KIF4A: variants seen among roughly 807,000 people sequenced by gnomAD.
KIF4A encodes kinesin family member 4A.
KIF4A carries 7 observed loss-of-function variants against 105.9 expected under a neutral mutation model. That is an observed-to-expected ratio of 0.07 (90% CI 0.04 to 0.12). KIF4A has a LOEUF of 0.12. Among genes scored for constraint, KIF4A ranks in the 10% least tolerant of loss-of-function variants. The pLI is 1.00. For missense variants in KIF4A, 558 were observed against 929.2 expected, an observed-to-expected ratio of 0.60 and a Z score of 5.19; for synonymous variants, 281 against 331.3, an observed-to-expected ratio of 0.85 and a Z score of 1.65.
At chrX:70,367,569 A>G (rs900367272) in intron 15 of KIF4A, among the ~76,000 whole-genome samples, 1 of 111,903 alleles carries the variant, frequency 8.9e-6, no homozygotes, top group Non-Finnish European at 1.9e-5. Flanking sequence ...AAGAATGTTG[A>G]ATATTGGCCC....
At chrX:70,384,599 C>T (rs1381973091) in intron 18 of KIF4A, among the ~76,000 whole-genome samples, 1 of 109,882 alleles carries the variant, frequency 9.1e-6, no homozygotes, top group Non-Finnish European at 1.9e-5. Flanking sequence ...TGGCACATGC[C>T]TGTAATCCCA....
chrX:70,310,950 A>T (rs760689900), intron 7 of KIF4A, among the ~76,000 whole-genome samples: 2 of 109,783 alleles, frequency 1.8e-5, no homozygotes, highest in East Asian at 5.7e-4. Context: ...ATATAGTAAG[A>T]TCACTGTCTC....
chrX:70,331,222 T>C (rs1403302023), intron 9 of KIF4A, among the ~76,000 whole-genome samples: 2 of 111,701 alleles, frequency 1.8e-5, no homozygotes, highest in African/African-American at 6.5e-5. Flanking sequence ...CTTAGAACAG[T>C]ACTTGGCTTA....
At chrX:70,316,382 T>A (rs765917728) in intron 7 of KIF4A, among the ~76,000 whole-genome samples, 1 of 111,498 alleles carries the variant, frequency 9.0e-6, no homozygotes, top group Admixed American at 9.6e-5. Flanking sequence ...GTACATTTTC[T>A]GTTAAGTTTA....
chrX:70,378,455 G>A lies in KIF4A; in HGVS notation c.2034+2245G>A, dbSNP rs139905597. ...AGATTAGAGTAGAAATAGGCTGGGCGCGGTGGCTCAAGCCTGAAATCCCAG... is the reference window on the plus strand; with the variant it reads ...AGATTAGAGTAGAAATAGGCTGGGCACGGTGGCTCAAGCCTGAAATCCCAG... On this transcript the variant is annotated intron_variant, in intron 18 of 30. Transcript: ENST00000374403. Among the ~76,000 whole-genome samples, 1,013 of 111,973 alleles carry A rather than the reference G, an allele frequency of 9.0e-3. 10 individuals are homozygous for A. The highest frequency in any genetic ancestry group is 0.024 in the African/African-American group (732 of 30,854).
At chrX:70,409,794 C>CAA (rs780576920) in intron 28 of KIF4A, among the ~76,000 whole-genome samples, 253 of 42,179 alleles carry the variant, frequency 6.0e-3, no homozygotes, top group African/African-American at 0.021. Flanking sequence ...AAGACTGTCT[C>CAA]AAAAAAAAAA....
intron 15 of KIF4A, among the ~76,000 whole-genome samples, chrX:70,373,576 ACG>A (rs1326523761): frequency 3.3e-4 from 11 of 33,321 alleles, no homozygotes; most frequent in Non-Finnish European, 5.7e-4. Flanking sequence ...ATACATATAT[ACG>A]TGTATATATA....
At chrX:70,299,239 T>C in intron 5 of KIF4A, 37 bp downstream of exon 5, 12 of 1,117,903 alleles carry the variant, frequency 1.1e-5, no homozygotes, top group Non-Finnish European at 1.5e-5. Context: ...TTAAAAAAAT[T>C]TGGCAATTAT....
At chrX:70,328,004 C>CA (rs1285072198) in intron 7 of KIF4A, among the ~76,000 whole-genome samples, 2 of 110,220 alleles carry the variant, frequency 1.8e-5, no homozygotes, top group Admixed American at 9.6e-5. Context: ...ATTGGTAGTC[C>CA]AAAAAAAGGG....
intron 20 of KIF4A, among the ~76,000 whole-genome samples, chrX:70,390,199 A>T (rs190627672): frequency 8.9e-6 from 1 of 111,772 alleles, no homozygotes; most frequent in Non-Finnish European, 1.9e-5. Flanking sequence ...AGAGTTCTTA[A>T]GATTTTCTAC....
intron 5 of KIF4A, among the ~76,000 whole-genome samples, chrX:70,299,753 T>C (rs1265361834): frequency 1.8e-5 from 2 of 111,773 alleles, no homozygotes; most frequent in Non-Finnish European, 3.8e-5. Flanking sequence ...AGCACTGTAA[T>C]AGACATTTTG....
At position 70,395,834 on chromosome X, in the gene KIF4A, C is replaced by A. The variant is rs768203177; in HGVS notation, c.2388+8C>A. On this transcript the variant is annotated splice_region_variant and intron_variant, in intron 21 of 30. Transcript: ENST00000374403. ...CCACCTCCTAAACTCCGGGTAAGTA[C>A]GCTTATGAAAAAATGTTGCCAATAA... 2 of 1,209,714 alleles carry A rather than the reference C, an allele frequency of 1.7e-6. No homozygotes were observed. The highest frequency in any genetic ancestry group is 1.8e-5 in the South Asian group (1 of 56,759).
chrX:70,374,927 G>T (rs1245921094), intron 16 of KIF4A, among the ~76,000 whole-genome samples: 1 of 112,252 alleles, frequency 8.9e-6, no homozygotes, highest in Non-Finnish European at 1.9e-5. Flanking sequence ...CTAAAGTGAA[G>T]TGAAATGCCT....
At chrX:70,360,893 C>T (rs891360995) in intron 15 of KIF4A, among the ~76,000 whole-genome samples, 4 of 113,004 alleles carry the variant, frequency 3.5e-5, no homozygotes, top group Non-Finnish European at 7.5e-5. Flanking sequence ...GGACCACATG[C>T]AAAGAATGGA....
chrX:70,410,134 T>C (rs2086316299), intron 28 of KIF4A, among the ~76,000 whole-genome samples: 1 of 112,368 alleles, frequency 8.9e-6, no homozygotes, highest in African/African-American at 3.2e-5. Flanking sequence ...AGTTACCTTT[T>C]GGCAGTCTGA....
Position 70,420,200 on chromosome X carries a change from C to T in KIF4A, c.3634C>T (p.Arg1212Trp). 3.3e-6 allele frequency: 4 copies of T among 1,210,848 alleles called. No homozygotes were observed. The highest frequency in any genetic ancestry group is 3.0e-5 in the East Asian group (1 of 33,809). The change falls in exon 31 of 31, where the codon CGG becomes TGG. Residue 1212 changes from arginine (R) to tryptophan (W), a missense_variant. This residue lies in a region of KIF4A where 469 missense variants were observed against 680.4 expected (regional missense o/e 0.69). Coordinates refer to ENST00000374403, the MANE Select transcript of KIF4A (RefSeq NM_012310.5). ...CAAGGCTCCAGGGAAGAAAAAGAAA[C>T]GGGCTCTGGCCAGCAACACCAGCTT... ...ENKAPGKKKK[R>W]ALASNTSFFS...
chrX:70,385,723 T>TAA (rs1375654312), intron 18 of KIF4A, among the ~76,000 whole-genome samples: 2 of 112,136 alleles, frequency 1.8e-5, no homozygotes, highest in African/African-American at 6.5e-5. Context: ...GCTTAATGGA[T>TAA]TATTAGAAGA....
At chrX:70,384,269 A>G (rs1375019702) in intron 18 of KIF4A, among the ~76,000 whole-genome samples, 1 of 111,966 alleles carries the variant, frequency 8.9e-6, no homozygotes, top group East Asian at 2.8e-4. Flanking sequence ...AATGCAAAAT[A>G]TACCTTTCAA....
At chrX:70,302,092 A>G in intron 6 of KIF4A, 26 bp downstream of exon 6, 2 of 1,194,503 alleles carry the variant, frequency 1.7e-6, no homozygotes, top group Non-Finnish European at 2.3e-6. Flanking sequence ...AAGAGTCAAG[A>G]TTTTTAGTAT....
Sources: allele counts gnomAD v4.1 joint callset (sites outside exome capture counted in the v4.1 genomes callset), GRCh38; gene constraint gnomAD v4.1.1; regional missense constraint gnomAD v4.1.1; transcripts MANE v1.5; gene names NCBI Gene and HGNC (gene_info 2026-07-23, HGNC 2026-07-21).